Variants in PRKCE observed in about 807,000 individuals in gnomAD.
PRKCE encodes the protein protein kinase C epsilon type.
A neutral mutation model predicts 85.4 loss-of-function variants in PRKCE; 16 were observed. The observed-to-expected ratio is 0.19, with a 90% CI of 0.13 to 0.28. The LOEUF is 0.28. Among genes scored for constraint, PRKCE ranks in the 10% least tolerant of loss-of-function variants. The pLI is 1.00. For synonymous variants in PRKCE, 388 were observed against 371.5 expected (o/e 1.04, Z -0.51); for missense variants, 573 against 975.2 (o/e 0.59, Z 5.49).
At chr2:45,838,521 C>G (rs930756820) in intron 1 of PRKCE, among the ~76,000 whole-genome samples, 1 of 152,132 alleles carries the variant, frequency 6.6e-6, no homozygotes, top group African/African-American at 2.4e-5. Context: ...TCCCGATGCC[C>G]CCGAATACCC....
intron 10 of PRKCE, among the ~76,000 whole-genome samples, chr2:46,046,075 T>C (rs1002184011): frequency 2.6e-5 from 4 of 152,270 alleles, no homozygotes; most frequent in East Asian, 3.9e-4. Flanking sequence ...AGATGGTATC[T>C]GATGGTAAAT....
chr2:46,027,658 G>T (rs1421773373), intron 10 of PRKCE, among the ~76,000 whole-genome samples: 2 of 152,104 alleles, frequency 1.3e-5, no homozygotes, highest in African/African-American at 4.8e-5. Context: ...CCAAAAATTC[G>T]AACTTTAACA....
chr2:45,668,758 C>A (rs1244293243), intron 1 of PRKCE, among the ~76,000 whole-genome samples: 1 of 152,142 alleles, frequency 6.6e-6, no homozygotes, highest in African/African-American at 2.4e-5. Context: ...CACATTGGCC[C>A]TGCTTATCTC....
intron 2 of PRKCE, among the ~76,000 whole-genome samples, chr2:45,936,319 G>A (rs1276443320): frequency 6.6e-6 from 1 of 152,166 alleles, no homozygotes; most frequent in African/African-American, 2.4e-5. Flanking sequence ...CTGAGTAATA[G>A]CTCAGGAACC....
Position 46,155,156 on chromosome 2 carries a change from A to C in PRKCE, c.1920+3927A>C, listed in dbSNP as rs1386685029. 6.6e-6 allele frequency among the ~76,000 whole-genome samples: 1 copy of C among 152,198 alleles called. No individual in the cohort carries two copies. Among genetic ancestry groups the C allele is most frequent in the Non-Finnish European group, 1.5e-5 (1 of 68,032 alleles). ...CCAGCAGCAACGAGGACTTCACCTC[A>C]CCAGATCTGGCTTTCCAAGAGAAGC... On this transcript the variant is annotated intron_variant, in intron 13 of 14. Transcript: ENST00000306156. This position sits in a 1 kb window ranked among gnomAD's most constrained non-coding sequence, Gnocchi z 4.7.
chr2:45,751,841 G>A (rs1254904181), intron 1 of PRKCE, among the ~76,000 whole-genome samples: 3 of 80,704 alleles, frequency 3.7e-5, no homozygotes, highest in Admixed American at 1.4e-4. Context: ...TTTTTGAGAC[G>A]GAGGCTCGCT....
At chr2:45,887,379 G>A (rs567314657) in intron 2 of PRKCE, among the ~76,000 whole-genome samples, 33 of 87,164 alleles carry the variant, frequency 3.8e-4, no homozygotes, top group Non-Finnish European at 8.7e-4. Flanking sequence ...GGTGTAGGTC[G>A]AGGTTCAGTT....
chr2:46,163,353 G>A (rs532379943), intron 14 of PRKCE, among the ~76,000 whole-genome samples: 15 of 151,228 alleles, frequency 9.9e-5, no homozygotes, highest in Admixed American at 3.3e-4. Flanking sequence ...GAGAGCCACG[G>A]GGAAGTTGAG....
chr2:45,666,459 G>T (rs1337220493), intron 1 of PRKCE, among the ~76,000 whole-genome samples: 1 of 151,674 alleles, frequency 6.6e-6, no homozygotes, highest in Non-Finnish European at 1.5e-5. Context: ...CTGCCAGGTG[G>T]ATCTCTTATC....
intron 11 of PRKCE, among the ~76,000 whole-genome samples, chr2:46,089,726 T>C (rs193217109): frequency 2.7e-5 from 4 of 148,750 alleles, no homozygotes; most frequent in East Asian, 1.9e-4. Context: ...CAGCAAGAGA[T>C]GCTTTTCTGC....
chr2:46,014,111 A>G (rs557345429), intron 10 of PRKCE, among the ~76,000 whole-genome samples: 1 of 152,316 alleles, frequency 6.6e-6, no homozygotes, highest in African/African-American at 2.4e-5. Context: ...GAAAGGCAAA[A>G]AGCAAATAAA....
At chr2:46,182,469 C>A (rs941220659) in intron 14 of PRKCE, among the ~76,000 whole-genome samples, 2 of 152,118 alleles carry the variant, frequency 1.3e-5, no homozygotes, top group Non-Finnish European at 2.9e-5. Context: ...CAGAGGTGAC[C>A]AAACCACCCG....
intron 11 of PRKCE, among the ~76,000 whole-genome samples, chr2:46,132,293 A>G (rs545850509): frequency 4.3e-4 from 65 of 152,140 alleles, no homozygotes; most frequent in Non-Finnish European, 8.2e-4. Flanking sequence ...TTCTCAAAAA[A>G]TCTCACCCAC....
At chr2:45,841,702 G>A (rs1691364387) in intron 1 of PRKCE, among the ~76,000 whole-genome samples, 1 of 152,214 alleles carries the variant, frequency 6.6e-6, no homozygotes, top group African/African-American at 2.4e-5. Context: ...CATCGCAGGA[G>A]CCATGAGTAA....
In PRKCE at chr2:45,876,413, A is replaced by G. The variant is rs76480482; in HGVS notation, c.412+33350A>G. On this transcript the variant is annotated intron_variant, in intron 2 of 14. Transcript: ENST00000306156. ...CCAATGATCCCAAATGTTCTTTATT[A>G]TTTGTACTTAAAAGCACTAGCTCTT... Among the ~76,000 whole-genome samples the G allele has an allele frequency of 6.8e-3, 1,038 of 152,278 alleles. 26 individuals carry two copies. The South Asian group carries it at 0.078, about 11-fold the overall frequency.
chr2:45,809,715 C>A (rs1235649862), intron 1 of PRKCE, among the ~76,000 whole-genome samples: 1 of 146,210 alleles, frequency 6.8e-6, no homozygotes, highest in African/African-American at 2.7e-5. Context: ...GAAACCCTGT[C>A]TCAAAAAAAA....
chr2:45,890,531 C>G (rs1401765625), intron 2 of PRKCE, among the ~76,000 whole-genome samples: 2 of 151,932 alleles, frequency 1.3e-5, no homozygotes, highest in South Asian at 2.1e-4. Context: ...AGGCGCCCAC[C>G]ACCACACCTG....
chr2:45,937,003 C>T (rs1261204648), intron 2 of PRKCE, among the ~76,000 whole-genome samples: 1 of 152,136 alleles, frequency 6.6e-6, no homozygotes, highest in Non-Finnish European at 1.5e-5. Context: ...ACAAGCCTTC[C>T]AGTACTTGTA....
chr2:45,729,552 C>T (rs1422569734), intron 1 of PRKCE, among the ~76,000 whole-genome samples: 4 of 152,156 alleles, frequency 2.6e-5, no homozygotes, highest in South Asian at 2.1e-4. Flanking sequence ...TATTTTTAGG[C>T]CCCAGTGAGG....
Sources: gnomAD v4.1 joint callset for allele counts (sites outside exome capture counted in the v4.1 genomes callset) on GRCh38, gnomAD v4.1.1 for gene constraint, Gnocchi (gnomAD v3.1) non-coding constraint, MANE v1.5 for transcripts, NCBI Gene and HGNC (gene_info 2026-07-23, HGNC 2026-07-21) for gene names.